PSKH2: variants seen among roughly 807,000 people sequenced by gnomAD.
The protein encoded by PSKH2 is serine/threonine-protein kinase H2.
In PSKH2, 16 loss-of-function variants were observed where a neutral mutation model predicts 22.5. The observed-to-expected ratio is 0.71, with a 90% CI of 0.48 to 1.08. The LOEUF is 1.08. PSKH2 is among the 50% of genes least tolerant of loss of function. The pLI is 0.00. For synonymous variants in PSKH2, 188 were observed against 184.8 expected, an observed-to-expected ratio of 1.02 and a Z score of -0.14; for missense variants, 516 against 492.8, an observed-to-expected ratio of 1.05 and a Z score of -0.44.
At chr8:86,066,190 C>A (rs575260042) in intron 1 of PSKH2, among the ~76,000 whole-genome samples, 2 of 147,660 alleles carry the variant, frequency 1.4e-5, no homozygotes, top group Non-Finnish European at 3.0e-5. Flanking sequence ...AGGATTAGAA[C>A]GCAGGTCTCC....
Position 86,064,385 on chromosome 8 carries a change from C to T in PSKH2, c.432G>A (p.Glu144=). 6.2e-7 allele frequency: 1 copy of T among 1,614,180 alleles called. No individual in the cohort carries two copies. Among genetic ancestry groups the T allele is most frequent in the Non-Finnish European group, 8.5e-7 (1 of 1,180,036 alleles). The change falls in exon 2 of 3, where the codon GAG becomes GAA. Residue 144 remains glutamate, a synonymous_variant. Transcript: ENST00000276616. ...CCTGAGCAATGAGTCGATCAAAGAG[C>T]TCCCCTCCGGTAGCCAGCTCCATTA... is the stretch of plus-strand genomic sequence containing the variant. ...YMVMELATGG[E]LFDRLIAQGS...
intron 2 of PSKH2, among the ~76,000 whole-genome samples, chr8:86,055,078 CAT>C (rs1340112730): frequency 5.3e-5 from 8 of 152,194 alleles, no homozygotes; most frequent in Non-Finnish European, 1.2e-4. Flanking sequence ...ATAGTATAAA[CAT>C]ATAGAATAAT....
rs1290675665 is a variant in PSKH2 at position 86,064,632 on chromosome 8, C to T, written c.186-1G>A. ...CCCAATAAGAGCTTTGATGTCATAT[C>T]TGTTGGGAAGAAAAACCAAACATGT... is the stretch of plus-strand genomic sequence containing the variant. On this transcript the variant is annotated splice_acceptor_variant, in intron 1 of 2. Coordinates refer to ENST00000276616, the MANE Select transcript of PSKH2 (RefSeq NM_033126.3). LOFTEE classifies it high-confidence loss of function. The T allele has an allele frequency of 6.2e-7, 1 of 1,604,574 alleles. No homozygotes were observed. Among genetic ancestry groups the T allele is most frequent in the Non-Finnish European group, 8.5e-7 (1 of 1,176,484 alleles).
chr8:86,052,798 C>A (rs1817651077), intron 2 of PSKH2, among the ~76,000 whole-genome samples: 1 of 152,188 alleles, frequency 6.6e-6, no homozygotes. Flanking sequence ...ATCCCAAGAT[C>A]ATTAAATTAA....
chr8:86,064,677 T>C, intron 1 of PSKH2, 46 bp from the exon 2 acceptor site: 1 of 1,453,122 alleles, frequency 6.9e-7, no homozygotes, highest in Non-Finnish European at 9.4e-7. Flanking sequence ...AAGTGATGAT[T>C]CTCAAAATTA....
intron 1 of PSKH2, among the ~76,000 whole-genome samples, chr8:86,068,604 GA>G (rs1448671214): frequency 6.6e-6 from 1 of 152,108 alleles, no homozygotes; most frequent in Non-Finnish European, 1.5e-5. Context: ...ACGAAGGAAG[GA>G]AAAAAGCTAA....
At chr8:86,061,923 G>GTT (rs1331009273) in intron 2 of PSKH2, among the ~76,000 whole-genome samples, 2 of 152,308 alleles carry the variant, frequency 1.3e-5, no homozygotes, top group East Asian at 3.9e-4. Context: ...TTTGGGGATG[G>GTT]TTTGTTATGC....
intron 1 of PSKH2, among the ~76,000 whole-genome samples, chr8:86,068,396 C>A (rs942900314): frequency 6.6e-6 from 1 of 152,212 alleles, no homozygotes; most frequent in Non-Finnish European, 1.5e-5. Context: ...CAACATGGTA[C>A]ACTCAGGAGG....
chr8:86,059,018 C>T (rs1817742514), intron 2 of PSKH2, among the ~76,000 whole-genome samples: 1 of 152,160 alleles, frequency 6.6e-6, no homozygotes, highest in Non-Finnish European at 1.5e-5. Context: ...TAGCTCACTG[C>T]AACCTAGACC....
In PSKH2 at chr8:86,047,453, A is replaced by G. The variant is rs1563537543; in HGVS notation, c.*1009T>C. Among the ~76,000 whole-genome samples, 1 of 152,310 alleles carries G rather than the reference A, an allele frequency of 6.6e-6. No individual in the cohort carries two copies. The highest frequency in any genetic ancestry group is 1.9e-4 in the East Asian group (1 of 5,188). ...AAATTGAGACTGATTTTAAAGTTAC[A>G]GTAAATGTCATTCTAACATTTTATT... On this transcript the variant is annotated 3_prime_UTR_variant, in exon 3 of 3. Coordinates refer to ENST00000276616, the MANE Select transcript of PSKH2 (RefSeq NM_033126.3).
rs541096056 is a variant in PSKH2, at chr8:86,054,544, T to C, written c.853-5777A>G. On this transcript the variant is annotated intron_variant, in intron 2 of 2. Coordinates refer to ENST00000276616, the MANE Select transcript of PSKH2 (RefSeq NM_033126.3). ...AGAAGATTCCATATATCATTTTTGT[T>C]ATAGATATTTAATATTTTTATTTCT... Among the ~76,000 whole-genome samples the C allele has an allele frequency of 2.0e-5, 3 of 152,320 alleles. No individual in the cohort carries two copies. In the South Asian group the frequency reaches 6.2e-4, roughly 32 times the overall value.
Position 86,053,677 on chromosome 8 carries a change from TC to T in PSKH2, c.853-4911del, listed in dbSNP as rs1482510887. Among the ~76,000 whole-genome samples the T allele has an allele frequency of 2.6e-5, 4 of 152,194 alleles. No individual in the cohort carries two copies. The East Asian group carries it at 7.7e-4, about 29-fold the overall frequency. On this transcript the variant is annotated intron_variant, in intron 2 of 2. Transcript: ENST00000276616. ...AACTGGTTTAAAGAATGACTAATATTCCTACAACTAGTCAACGCTTTAATAT... is the reference window on the plus strand; with the variant it reads ...AACTGGTTTAAAGAATGACTAATATTCTACAACTAGTCAACGCTTTAATAT...
chr8:86,065,386 GGCCACCTTGCA>G (rs1350060896), intron 1 of PSKH2, among the ~76,000 whole-genome samples: 3 of 152,098 alleles, frequency 2.0e-5, no homozygotes, highest in African/African-American at 7.2e-5. Flanking sequence ...GTAGTGTTAG[GGCCACCTTGCA>G]GCCAGTAGCT....
rs1817554544 is a variant in PSKH2, at chr8:86,048,108, C to T, written c.*354G>A. Among the ~76,000 whole-genome samples, 1 of 152,148 alleles carries T rather than the reference C, an allele frequency of 6.6e-6. No homozygotes were observed. Among genetic ancestry groups the T allele is most frequent in the Admixed American group, 6.6e-5 (1 of 15,266 alleles). ...GGATAAATACATATATTCCCCATAT[C>T]TAACTATTCCTGCTATGTCTCTGGT... On this transcript the variant is annotated 3_prime_UTR_variant, in exon 3 of 3. Transcript: ENST00000276616.
chr8:86,069,521 A>C lies in PSKH2; in HGVS notation c.102T>G (p.Pro34=). ...CCGCCTGGGCCGCCGCCTCGGGCCC[A>C]GGCCCCGCGCCTCCGACGCCGGCTT... The part of the protein sequence containing the change: ...QNQAGVGGAG[P]GPEAAAQAAQ... Residue 34 remains proline (P), a synonymous_variant, in exon 1 of 3, where the codon CCT becomes CCG. Transcript: ENST00000276616. The C allele has an allele frequency of 6.2e-7, 1 of 1,608,506 alleles. No individual in the cohort carries two copies. The highest frequency in any genetic ancestry group is 1.3e-5 in the African/African-American group (1 of 74,926).
chr8:86,068,773 A>G (rs1218788069), intron 1 of PSKH2, among the ~76,000 whole-genome samples: 3 of 152,122 alleles, frequency 2.0e-5, no homozygotes, highest in Non-Finnish European at 4.4e-5. Context: ...GCCCCAGGAT[A>G]TTAGAGGCAA....
chr8:86,062,663 A>G (rs1374196643), intron 2 of PSKH2, among the ~76,000 whole-genome samples: 1 of 152,162 alleles, frequency 6.6e-6, no homozygotes, highest in African/African-American at 2.4e-5. Context: ...GCCTTCTGTC[A>G]TGATCGTAAA....
intron 2 of PSKH2, among the ~76,000 whole-genome samples, chr8:86,051,542 A>T (rs1051894215): frequency 9.2e-5 from 14 of 152,236 alleles, no homozygotes. Flanking sequence ...ACACAGGAAA[A>T]ACAAAATATA....
chr8:86,059,564 T>C lies in PSKH2; in HGVS notation c.852+4401A>G, dbSNP rs185265046. On this transcript the variant is annotated intron_variant, in intron 2 of 2. Transcript: ENST00000276616. Reference sequence around the variant, plus strand: ...TCATTTCAACCTGTTTCCATAGTCATATCTCTTCTCTCTAGCTTTGACCCT... The same window carrying C: ...TCATTTCAACCTGTTTCCATAGTCACATCTCTTCTCTCTAGCTTTGACCCT... Among the ~76,000 whole-genome samples the C allele has an allele frequency of 1.5e-3, 224 of 152,316 alleles. 1 individual carries two copies. The highest frequency in any genetic ancestry group is 5.3e-3 in the African/African-American group (220 of 41,576).
Sources: allele counts gnomAD v4.1 joint callset (sites outside exome capture counted in the v4.1 genomes callset), GRCh38; gene constraint gnomAD v4.1.1; transcripts MANE v1.5; gene names NCBI Gene and HGNC (gene_info 2026-07-23, HGNC 2026-07-21).